MKLN1: variants seen among roughly 807,000 people sequenced by gnomAD.
MKLN1 encodes the protein muskelin.
Under a neutral mutation model 99.0 loss-of-function variants are expected in MKLN1, and 18 were observed. That is an observed-to-expected ratio of 0.18 (90% confidence interval 0.13 to 0.27). MKLN1 has a LOEUF of 0.27. MKLN1 is among the 10% of genes least tolerant of loss of function. The pLI is 1.00. For missense variants in MKLN1, 621 were observed against 875.9 expected (o/e 0.71, Z 3.67); for synonymous variants, 288 against 293.2 (o/e 0.98, Z 0.18).
chr7:131,153,663 G>GTTTTTTT lies in MKLN1; in HGVS notation c.-297+10722_-297+10723insTTTTTTT, dbSNP rs144256871. Reference sequence around the variant, plus strand: ...TACAAAATGAAAGTAGGTTTTTTTTGGTTTTTTTTTTTTTTTTGAGAAGGA... The same window carrying GTTTTTTT: ...TACAAAATGAAAGTAGGTTTTTTTTGTTTTTTTGTTTTTTTTTTTTTTTTGAGAAGGA... On this transcript the variant is annotated intron_variant, in intron 2 of 7. Transcript: ENST00000416992. 3.7e-5 allele frequency among the ~76,000 whole-genome samples: 5 copies of GTTTTTTT among 135,244 alleles called. 1 individual carries two copies. Among genetic ancestry groups the GTTTTTTT allele is most frequent in the Admixed American group, 7.5e-5 (1 of 13,356 alleles). The allele number at this position is 135,244 out of a possible 152,430, so 88.7% of individuals were successfully genotyped here.
chr7:131,395,048 T>A (rs1794317622), intron 4 of MKLN1, among the ~76,000 whole-genome samples: 1 of 152,110 alleles, frequency 6.6e-6, no homozygotes, highest in Non-Finnish European at 1.5e-5. Context: ...TTTAAAAAAA[T>A]CTAAGTGTTG....
intron 2 of MKLN1, among the ~76,000 whole-genome samples, chr7:131,144,901 C>A (rs1306860253): frequency 6.6e-6 from 1 of 151,934 alleles, no homozygotes; most frequent in African/African-American, 2.4e-5. Flanking sequence ...CGCTTGAACC[C>A]GGTAGGCAGA....
intron 3 of MKLN1, among the ~76,000 whole-genome samples, chr7:131,311,924 G>C (rs1002853214): frequency 2.6e-5 from 4 of 151,462 alleles, no homozygotes; most frequent in Admixed American, 6.6e-5. Context: ...TTTTACTTTT[G>C]CATCAGTATA....
At chr7:131,388,767 G>C in intron 3 of MKLN1, 117 bp from the exon 4 acceptor site, 1 of 633,266 alleles carries the variant, frequency 1.6e-6, no homozygotes, top group Non-Finnish European at 2.7e-6. Flanking sequence ...ATATTGTCTT[G>C]GTCATAATAT....
intron 3 of MKLN1, among the ~76,000 whole-genome samples, chr7:131,318,508 A>G (rs114444087): frequency 0.013 from 1,945 of 152,352 alleles, 49 homozygotes; most frequent in African/African-American, 0.044. Context: ...AGCTGGAAAG[A>G]TCTGAAATCG....
intron 2 of MKLN1, among the ~76,000 whole-genome samples, chr7:131,157,135 T>C (rs1277165967): frequency 1.3e-5 from 2 of 152,208 alleles, no homozygotes; most frequent in Non-Finnish European, 2.9e-5. Flanking sequence ...ATCCCAGCAC[T>C]TTGGGATGCT....
Position 131,375,463 on chromosome 7 carries a change from A to G in MKLN1, c.138A>G (p.Arg46=), listed in dbSNP as rs879080449. The G allele has an allele frequency of 2.5e-6, 4 of 1,611,276 alleles. No homozygotes were observed. The Admixed American group carries it at 5.0e-5, about 20-fold the overall frequency. ...LVDKPNDQSS[R]WSSESNYPPQ... ...ACAAACCAAATGACCAATCTTCAAG[A>G]TGGTCTTCAGAGAGCAACTATCCTC... Residue 46 remains arginine, a synonymous_variant, in exon 2 of 18, where the codon AGA becomes AGG. Coordinates refer to ENST00000352689, the MANE Select transcript of MKLN1 (RefSeq NM_013255.5).
intron 3 of MKLN1, among the ~76,000 whole-genome samples, chr7:131,271,525 G>A (rs1490537776): frequency 2.0e-5 from 3 of 152,018 alleles, no homozygotes; most frequent in African/African-American, 7.3e-5. Context: ...GCTGAGGCAG[G>A]AGAATGGCGT....
At chr7:131,142,419 A>AG (rs1795748663) in intron 1 of MKLN1, among the ~76,000 whole-genome samples, 1 of 151,104 alleles carries the variant, frequency 6.6e-6, no homozygotes, top group African/African-American at 2.4e-5. Context: ...TCAAAAAAAA[A>AG]AAATTAAAAT....
chr7:131,125,191 G>A (rs1248380144), intron 1 of MKLN1, among the ~76,000 whole-genome samples: 2 of 152,194 alleles, frequency 1.3e-5, no homozygotes, highest in African/African-American at 4.8e-5. Context: ...GAGAACTTCA[G>A]CTTATCTGAT....
chr7:131,389,889 C>CAA (rs942412488), intron 4 of MKLN1, among the ~76,000 whole-genome samples: 5 of 117,814 alleles, frequency 4.2e-5, no homozygotes, highest in African/African-American at 6.4e-5. Flanking sequence ...ACTCCATCTC[C>CAA]AAAAAAAAAA....
intron 2 of MKLN1, among the ~76,000 whole-genome samples, chr7:131,173,968 C>CTTTTTTTTTTTTTTT (rs796102760): frequency 8.4e-6 from 1 of 118,654 alleles, no homozygotes; most frequent in African/African-American, 3.0e-5. Context: ...AGACCTTTTT[C>CTTTTTTTTTTTTTTT]TTTTTCTTTT....
chr7:131,252,333 T>TTTTTTTC (rs1797595534), intron 3 of MKLN1, among the ~76,000 whole-genome samples: 1 of 144,818 alleles, frequency 6.9e-6, no homozygotes, highest in Non-Finnish European at 1.5e-5. Flanking sequence ...TCTTTTCTTT[T>TTTTTTTC]TTTTTTTTTT....
chr7:131,346,367 T>C (rs1394634073), intron 1 of MKLN1, among the ~76,000 whole-genome samples: 2 of 151,748 alleles, frequency 1.3e-5, no homozygotes, highest in African/African-American at 2.4e-5. Flanking sequence ...GCTAAAAATA[T>C]AAAAGTTAGC....
chr7:131,125,786 C>T (rs992653285), intron 1 of MKLN1, among the ~76,000 whole-genome samples: 3 of 151,870 alleles, frequency 2.0e-5, no homozygotes, highest in Non-Finnish European at 2.9e-5. Context: ...AGGAGAATCA[C>T]GAGGTCAGGA....
chr7:131,317,635 G>A (rs564728435), intron 3 of MKLN1, among the ~76,000 whole-genome samples: 39 of 152,006 alleles, frequency 2.6e-4, no homozygotes, highest in African/African-American at 8.0e-4. Flanking sequence ...TAGGCTGAAC[G>A]CCCTAATTAA....
chr7:131,437,204 C>G (rs575239897), intron 9 of MKLN1, among the ~76,000 whole-genome samples: 1 of 152,124 alleles, frequency 6.6e-6, no homozygotes, highest in South Asian at 2.1e-4. Flanking sequence ...AGGTATTTCT[C>G]CTAATGCTAT....
chr7:131,461,108 A>G (rs1408581994), intron 12 of MKLN1, among the ~76,000 whole-genome samples: 11 of 152,142 alleles, frequency 7.2e-5, no homozygotes, highest in African/African-American at 2.7e-4. Context: ...ACCTACGCAC[A>G]TTCCCTCCTA....
chr7:131,225,835 C>T (rs569090693), intron 3 of MKLN1, among the ~76,000 whole-genome samples: 1 of 152,290 alleles, frequency 6.6e-6, no homozygotes, highest in South Asian at 2.1e-4. Flanking sequence ...GCTGGCCTCT[C>T]CTCATGGCTG....
Sources: allele counts gnomAD v4.1 joint callset (sites outside exome capture counted in the v4.1 genomes callset), GRCh38; gene constraint gnomAD v4.1.1; transcripts MANE v1.5; gene names NCBI Gene and HGNC (gene_info 2026-07-23, HGNC 2026-07-21).